KANK1: variants seen among roughly 807,000 people sequenced by gnomAD.
KANK1 encodes the protein KN motif and ankyrin repeat domains 1, also known as KN motif and ankyrin repeat domain-containing protein 1.
KANK1 carries 109 observed loss-of-function variants against 106.2 expected under a neutral mutation model. That is an observed-to-expected ratio of 1.03 (90% CI 0.88 to 1.20). KANK1 has a LOEUF of 1.20. KANK1 is among the 50% of genes most tolerant of loss of function. The pLI is 0.00. For missense variants in KANK1, 2,399 were observed against 1,710.7 expected (o/e 1.40, Z -7.10); for synonymous variants, 873 against 652.2 (o/e 1.34, Z -5.16).
rs1448827255 is a variant in KANK1, at chr9:640,929, C to G, written c.-83-35961C>G. Reference sequence around the variant, plus strand: ...GCCAGGATGGTCTCGATCTCCTGACCTTGTTATCTGCCCGCCTCGGCCTCC... The same window carrying G: ...GCCAGGATGGTCTCGATCTCCTGACGTTGTTATCTGCCCGCCTCGGCCTCC... On this transcript the variant is annotated intron_variant, in intron 1 of 11. Transcript: ENST00000382297. Among the ~76,000 whole-genome samples, 7 of 152,170 alleles carry G rather than the reference C, an allele frequency of 4.6e-5. No homozygotes were observed. The East Asian group carries it at 1.4e-3, about 29-fold the overall frequency.
At chr9:592,849 TCTG>T (rs1825309558) in intron 1 of KANK1, among the ~76,000 whole-genome samples, 1 of 151,808 alleles carries the variant, frequency 6.6e-6, no homozygotes, top group East Asian at 1.9e-4. Context: ...TTTTCTTTCT[TCTG>T]TTTGCTTTTC....
At chr9:698,318 A>G (rs1307124931) in intron 2 of KANK1, among the ~76,000 whole-genome samples, 1 of 152,054 alleles carries the variant, frequency 6.6e-6, no homozygotes. Flanking sequence ...AACATGCTAA[A>G]TCAGAACCTG....
At chr9:481,612 C>G (rs1474991259) in intron 3 of KANK1, among the ~76,000 whole-genome samples, 1 of 152,146 alleles carries the variant, frequency 6.6e-6, no homozygotes, top group African/African-American at 2.4e-5. Context: ...GGGCAAAAAG[C>G]TCATGACGGC....
intron 1 of KANK1, among the ~76,000 whole-genome samples, chr9:560,161 C>T (rs1018118950): frequency 6.6e-6 from 1 of 152,156 alleles, no homozygotes; most frequent in African/African-American, 2.4e-5. Flanking sequence ...AAGAACAAGC[C>T]TTTCTTGAAT....
chr9:648,346 CTCTT>C (rs1840171267), intron 1 of KANK1, among the ~76,000 whole-genome samples: 1 of 152,062 alleles, frequency 6.6e-6, no homozygotes, highest in Admixed American at 6.6e-5. Context: ...TAGTTAGTTT[CTCTT>C]TCTTCTTTCT....
intron 1 of KANK1, among the ~76,000 whole-genome samples, chr9:637,677 T>C (rs1319943963): frequency 6.6e-6 from 1 of 152,176 alleles, no homozygotes; most frequent in Non-Finnish European, 1.5e-5. Context: ...AACGAGTGTA[T>C]ATTTTTTCTA....
At chr9:660,067 G>C (rs553293222) in intron 1 of KANK1, 5 of 417,452 alleles carry the variant, frequency 1.2e-5, no homozygotes, top group African/African-American at 2.1e-5. Context: ...TGGCACTGAG[G>C]ATTATATCCA....
chr9:555,903 T>A (rs978110185), intron 1 of KANK1, among the ~76,000 whole-genome samples: 4 of 152,228 alleles, frequency 2.6e-5, no homozygotes, highest in African/African-American at 9.6e-5. Flanking sequence ...ACTTTTAACC[T>A]TCATGATGTT....
At chr9:517,848 C>T (rs2059358469) in intron 1 of KANK1, among the ~76,000 whole-genome samples, 1 of 150,944 alleles carries the variant, frequency 6.6e-6, no homozygotes, top group Admixed American at 6.6e-5. Flanking sequence ...AAGTAGTTCT[C>T]CCGCCTCAGC....
intron 3 of KANK1, among the ~76,000 whole-genome samples, chr9:497,459 C>T (rs1216425105): frequency 6.6e-6 from 1 of 151,842 alleles, no homozygotes; most frequent in African/African-American, 2.4e-5. Context: ...CACACTCACA[C>T]TCTTGCCACC....
chr9:724,447 A>G (rs905646429), intron 3 of KANK1, among the ~76,000 whole-genome samples: 1 of 152,196 alleles, frequency 6.6e-6, no homozygotes, highest in Non-Finnish European at 1.5e-5. Context: ...TTGCATTTAA[A>G]AAGTCATTGT....
At chr9:550,268 C>G (rs552495447) in intron 1 of KANK1, among the ~76,000 whole-genome samples, 5 of 151,952 alleles carry the variant, frequency 3.3e-5, no homozygotes, top group Non-Finnish European at 7.4e-5. Flanking sequence ...TTCTAAAGCT[C>G]CAATCTTAAC....
At chr9:741,859 T>A (rs1449335940) in intron 9 of KANK1, among the ~76,000 whole-genome samples, 3 of 151,856 alleles carry the variant, frequency 2.0e-5, no homozygotes, top group Admixed American at 2.0e-4. Context: ...GCTCAGACAA[T>A]CTGCCTGCCT....
intron 1 of KANK1, among the ~76,000 whole-genome samples, chr9:517,372 G>A (rs959618324): frequency 1.1e-4 from 17 of 151,782 alleles, no homozygotes; most frequent in Admixed American, 2.6e-4. Flanking sequence ...AAAGTGCTAG[G>A]ATCACAGGCG....
At chr9:515,470 G>A (rs186527572) in intron 1 of KANK1, among the ~76,000 whole-genome samples, 183 of 151,526 alleles carry the variant, frequency 1.2e-3, no homozygotes, top group Middle Eastern at 0.01. Context: ...TTAGTTTTAT[G>A]AGAGATGTAT....
chr9:546,665 C>A (rs1438083869), intron 1 of KANK1, among the ~76,000 whole-genome samples: 1 of 151,740 alleles, frequency 6.6e-6, no homozygotes, highest in African/African-American at 2.4e-5. Flanking sequence ...CCTCTCCCAC[C>A]CCCACTCCCC....
At chr9:638,894 A>T (rs1028168988) in intron 1 of KANK1, among the ~76,000 whole-genome samples, 2 of 152,206 alleles carry the variant, frequency 1.3e-5, no homozygotes, top group African/African-American at 4.8e-5. Context: ...CAATGTCGAC[A>T]ACTTAGGAGT....
intron 1 of KANK1, among the ~76,000 whole-genome samples, chr9:542,654 G>T (rs192763829): frequency 6.6e-6 from 1 of 152,206 alleles, no homozygotes; most frequent in African/African-American, 2.4e-5. Flanking sequence ...GACAGTGGAA[G>T]TGTTCATCAG....
intron 9 of KANK1, 115 bp from the exon 10 acceptor site, chr9:742,083 CATCGCCA>C: frequency 1.2e-6 from 1 of 823,392 alleles, no homozygotes; most frequent in Non-Finnish European, 2.0e-6. Flanking sequence ...CAAGTAGTTC[CATCGCCA>C]GTTCTTTCCC....
Sources: allele counts gnomAD v4.1 joint callset (sites outside exome capture counted in the v4.1 genomes callset), GRCh38; gene constraint gnomAD v4.1.1; transcripts MANE v1.5; gene names NCBI Gene and HGNC (gene_info 2026-07-23, HGNC 2026-07-21).